The following TDRD3 variants were observed in gnomAD, a reference collection of about 807,000 sequenced individuals.
TDRD3 encodes tudor domain-containing protein 3.
Under a neutral mutation model 86.7 loss-of-function variants are expected in TDRD3, and 45 were observed. The ratio of observed to expected loss-of-function variants is 0.52; its 90% CI spans 0.41 to 0.67. The LOEUF (loss-of-function observed/expected upper bound fraction) is 0.67. Ranked by LOEUF, TDRD3 falls within the 30% of genes least tolerant of loss-of-function variation. TDRD3 has a pLI of 0.00. For missense variants in TDRD3, 814 were observed against 889.0 expected (o/e 0.92, Z 1.07); for synonymous variants, 298 against 301.7 (o/e 0.99, Z 0.13).
chr13:60,425,934 CTA>C lies in TDRD3; in HGVS notation c.42-13752_42-13751del, dbSNP rs1288560426. On this transcript the variant is annotated intron_variant, in intron 1 of 13. Transcript: ENST00000377881. ...CATATACAAAATATGTATTAATTGA[CTA>C]TGTTATTGGTAAGGCTTCTGGTCAG... is the stretch of plus-strand genomic sequence containing the variant. Among the ~76,000 whole-genome samples, 3 of 152,006 alleles carry C rather than the reference CTA, an allele frequency of 2.0e-5. No homozygotes were observed. In the East Asian group the frequency reaches 5.8e-4, roughly 29 times the overall value.
chr13:60,488,476 G>A (rs1245790376), intron 7 of TDRD3, among the ~76,000 whole-genome samples: 1 of 152,124 alleles, frequency 6.6e-6, no homozygotes, highest in South Asian at 2.1e-4. Context: ...GGTAAATGAT[G>A]TTGACATTTT....
chr13:60,484,139 A>G (rs1282507622), intron 6 of TDRD3, among the ~76,000 whole-genome samples: 1 of 152,018 alleles, frequency 6.6e-6, no homozygotes, highest in Admixed American at 6.6e-5. Flanking sequence ...AGGGAAATTC[A>G]AAAGTAAGAA....
At chr13:60,402,952 T>A (rs10507651) in intron 1 of TDRD3, among the ~76,000 whole-genome samples, 1 of 152,092 alleles carries the variant, frequency 6.6e-6, no homozygotes, top group East Asian at 1.9e-4. Flanking sequence ...TGTAACTATC[T>A]CTTTGGCTTA....
At chr13:60,539,605 G>C (rs4886238) in intron 12 of TDRD3, among the ~76,000 whole-genome samples, 1 of 151,214 alleles carries the variant, frequency 6.6e-6, no homozygotes, top group Non-Finnish European at 1.5e-5. Context: ...TCATGTTAGC[G>C]TACTTTAAAA....
At chr13:60,407,681 A>G (rs1954266740) in intron 1 of TDRD3, among the ~76,000 whole-genome samples, 1 of 152,186 alleles carries the variant, frequency 6.6e-6, no homozygotes, top group Non-Finnish European at 1.5e-5. Context: ...GGTCTTTGAA[A>G]TGTTCTGTTT....
intron 8 of TDRD3, among the ~76,000 whole-genome samples, chr13:60,499,295 C>T (rs1197190113): frequency 6.6e-6 from 1 of 152,186 alleles, no homozygotes; most frequent in African/African-American, 2.4e-5. Context: ...GTGGTGACTC[C>T]AATTGCAGCT....
chr13:60,466,321 A>G (rs1244305732), intron 4 of TDRD3, among the ~76,000 whole-genome samples: 1 of 152,198 alleles, frequency 6.6e-6, no homozygotes, highest in Non-Finnish European at 1.5e-5. Flanking sequence ...GCTAAAGCTC[A>G]GAGGGAAAAA....
chr13:60,548,731 T>C (rs1430679956), intron 12 of TDRD3, among the ~76,000 whole-genome samples: 4 of 151,998 alleles, frequency 2.6e-5, no homozygotes, highest in Non-Finnish European at 5.9e-5. Flanking sequence ...GTGGAAAAAA[T>C]GAAATCATAA....
intron 12 of TDRD3, among the ~76,000 whole-genome samples, chr13:60,544,485 A>T (rs979703664): frequency 6.6e-6 from 1 of 151,618 alleles, no homozygotes; most frequent in African/African-American, 2.4e-5. Flanking sequence ...GAAAAGAAAA[A>T]ATTGTCAAAA....
At chr13:60,523,577 T>C (rs937045196) in intron 10 of TDRD3, among the ~76,000 whole-genome samples, 21 of 142,876 alleles carry the variant, frequency 1.5e-4, no homozygotes, top group Admixed American at 3.5e-4. Context: ...ATTTTTCTTT[T>C]TTTTTTTTTT....
rs1566160772 is a variant in TDRD3 at position 60,397,290 on chromosome 13, G to GC, written c.-75_-74insC. 2 of 789,576 alleles carry GC rather than the reference G, an allele frequency of 2.5e-6. No homozygotes were observed. The highest frequency in any genetic ancestry group is 1.8e-5 in the African/African-American group (1 of 55,110). 48.9% of individuals were successfully genotyped at this position (789,576 alleles called of 1,614,324 possible). ...TTCTTTTCTTTTTTTTTTTTTAAGG[G>GC]GGGGGGTCTCAAGTAGGAGGCCTCC... On this transcript the variant is annotated 5_prime_UTR_variant, in exon 1 of 14. The change creates a premature stop within an existing upstream ORF in the 5' untranslated region. Transcript: ENST00000377881.
intron 8 of TDRD3, among the ~76,000 whole-genome samples, chr13:60,502,142 C>G (rs1027640076): frequency 7.9e-5 from 12 of 152,012 alleles, no homozygotes; most frequent in African/African-American, 2.9e-4. Flanking sequence ...TTTTATCTTC[C>G]CAAATGAACC....
chr13:60,429,831 G>T (rs1162851865), intron 1 of TDRD3, among the ~76,000 whole-genome samples: 2 of 25,232 alleles, frequency 7.9e-5, no homozygotes, highest in Non-Finnish European at 1.4e-4. Context: ...TCTCATTAGA[G>T]AAATTGTATT....
intron 1 of TDRD3, among the ~76,000 whole-genome samples, chr13:60,439,105 T>A (rs565806432): frequency 6.6e-6 from 1 of 152,002 alleles, no homozygotes; most frequent in South Asian, 2.1e-4. Context: ...AATAAGACAA[T>A]GCGTAAAAAA....
intron 1 of TDRD3, among the ~76,000 whole-genome samples, chr13:60,431,727 T>C: frequency 8.5e-6 from 1 of 117,024 alleles, no homozygotes; most frequent in African/African-American, 3.0e-5. Context: ...AAAAAAAAGG[T>C]GGAACTAATG....
intron 8 of TDRD3, among the ~76,000 whole-genome samples, chr13:60,498,542 C>T (rs138891963): frequency 1.3e-5 from 2 of 152,168 alleles, no homozygotes; most frequent in East Asian, 1.9e-4. Context: ...ATAATTTAGA[C>T]AAGCAGAAAG....
intron 5 of TDRD3, among the ~76,000 whole-genome samples, chr13:60,477,182 C>T (rs959989742): frequency 8.7e-5 from 13 of 149,288 alleles, no homozygotes; most frequent in Middle Eastern, 3.5e-3. Flanking sequence ...GTTGGCTATA[C>T]GTTTGTTATA....
intron 1 of TDRD3, among the ~76,000 whole-genome samples, chr13:60,407,933 A>G (rs1954271916): frequency 6.6e-6 from 1 of 152,146 alleles, no homozygotes; most frequent in Non-Finnish European, 1.5e-5. Context: ...GGTCTTTCCC[A>G]TGCTATTCTT....
intron 5 of TDRD3, among the ~76,000 whole-genome samples, chr13:60,481,634 T>C (rs757728879): frequency 2.0e-5 from 3 of 152,032 alleles, no homozygotes; most frequent in Non-Finnish European, 4.4e-5. Context: ...ACTAGTTGAA[T>C]TTATGTTTTC....
Sources: allele counts gnomAD v4.1 joint callset (sites outside exome capture counted in the v4.1 genomes callset), GRCh38; gene constraint gnomAD v4.1.1; transcripts MANE v1.5; gene names NCBI Gene and HGNC (gene_info 2026-07-23, HGNC 2026-07-21).